Variants in SHCBP1 observed in about 807,000 individuals in gnomAD.
SHCBP1 encodes SHC binding and spindle associated 1, also known as SHC SH2 domain-binding protein 1.
SHCBP1 carries 60 observed loss-of-function variants against 75.1 expected under a neutral mutation model. The ratio of observed to expected loss-of-function variants is 0.80; its 90% CI spans 0.65 to 0.99. SHCBP1 has a LOEUF of 0.99. Ranked by LOEUF, SHCBP1 falls within the 50% of genes least tolerant of loss-of-function variation. The pLI, the probability that SHCBP1 is intolerant of heterozygous loss-of-function variation, is 0.00. For missense variants in SHCBP1, 709 were observed against 809.4 expected, an observed-to-expected ratio of 0.88 and a Z score of 1.50; for synonymous variants, 290 against 293.2, an observed-to-expected ratio of 0.99 and a Z score of 0.11.
chr16:46,604,246 A>G lies in SHCBP1; in HGVS notation c.905T>C (p.Ile302Thr), dbSNP rs1481360533. 1 of 1,614,106 alleles carries G rather than the reference A, an allele frequency of 6.2e-7. No homozygotes were observed. The highest frequency in any genetic ancestry group is 8.5e-7 in the Non-Finnish European group (1 of 1,180,030). Reference protein sequence around the residue: ...MEQLKQKLKLIENPLLRYVFG... With the variant: ...MEQLKQKLKLTENPLLRYVFG... Reference sequence around the variant, plus strand: ...CACATACCTCAACAAAGGATTCTCAATGAGTTTCAGCTTTTGTTTCAACTG... The same window carrying G: ...CACATACCTCAACAAAGGATTCTCAGTGAGTTTCAGCTTTTGTTTCAACTG... The change falls in exon 6 of 13, where the codon ATT becomes ACT. Residue 302 changes from isoleucine (I) to threonine (T), a missense_variant. Physicochemically the swap from Ile to Thr is moderately conservative, Grantham distance 89 (BLOSUM62 -1). Transcript: ENST00000303383.
chr16:46,599,604 T>C (rs1181864531), intron 9 of SHCBP1, among the ~76,000 whole-genome samples: 1 of 133,870 alleles, frequency 7.5e-6, no homozygotes, highest in Non-Finnish European at 1.5e-5. Flanking sequence ...AAGGTGAGCA[T>C]ATGCTCTTGG....
chr16:46,585,747 G>T (rs1456589262), intron 10 of SHCBP1, among the ~76,000 whole-genome samples: 1 of 152,196 alleles, frequency 6.6e-6, no homozygotes, highest in Non-Finnish European at 1.5e-5. Context: ...CCCTACTGGG[G>T]CAGTGTCAGA....
At chr16:46,598,752 G>A (rs1965184199) in intron 9 of SHCBP1, among the ~76,000 whole-genome samples, 1 of 152,118 alleles carries the variant, frequency 6.6e-6, no homozygotes, top group African/African-American at 2.4e-5. Context: ...AGTACTAGAT[G>A]GAATCTTCTT....
rs2017843 is a variant in SHCBP1 at position 46,617,874 on chromosome 16, A to C, written c.272-125T>G. On this transcript the variant is annotated intron_variant, in intron 2 of 12. Coordinates refer to ENST00000303383, the MANE Select transcript of SHCBP1 (RefSeq NM_024745.5). ...AAATAGATAATCTACTTGCAAACTAAAAAGATAAAAGATGCAAAAAACCAG... is the reference window on the plus strand; with the variant it reads ...AAATAGATAATCTACTTGCAAACTACAAAGATAAAAGATGCAAAAAACCAG... The C allele has an allele frequency of 6.3e-3, 4,898 of 779,412 alleles. 169 individuals are homozygous for C. In the African/African-American group the frequency reaches 0.075, roughly 12 times the overall value. 48.3% of individuals were successfully genotyped at this position (779,412 alleles called of 1,614,324 possible).
At chr16:46,612,569 C>G (rs552912553) in intron 4 of SHCBP1, among the ~76,000 whole-genome samples, 1 of 152,216 alleles carries the variant, frequency 6.6e-6, no homozygotes, top group African/African-American at 2.4e-5. Flanking sequence ...AAGTCCTGAA[C>G]GTGGTACTAT....
intron 5 of SHCBP1, 120 bp downstream of exon 5, chr16:46,608,173 CAGAG>C (rs1567451447): frequency 2.6e-5 from 16 of 617,658 alleles, no homozygotes; most frequent in South Asian, 4.1e-5. Flanking sequence ...GAAAGAAAAT[CAGAG>C]AGAGAGAGTG....
chr16:46,615,237 A>G (rs185823321), intron 4 of SHCBP1, among the ~76,000 whole-genome samples: 126 of 152,336 alleles, frequency 8.3e-4, no homozygotes, highest in Non-Finnish European at 1.3e-3. Flanking sequence ...GTCCTAATCA[A>G]CTATTTATGT....
At chr16:46,591,657 A>G (rs1965050079) in intron 10 of SHCBP1, among the ~76,000 whole-genome samples, 1 of 152,164 alleles carries the variant, frequency 6.6e-6, no homozygotes, top group African/African-American at 2.4e-5. Context: ...AACTTGATCT[A>G]GTTGACATTT....
At position 46,621,372 on chromosome 16, in the gene SHCBP1, C is replaced by G. The variant is rs757371695; in HGVS notation, c.-13G>C. The G allele has an allele frequency of 1.9e-6, 3 of 1,609,930 alleles. No individual in the cohort carries two copies. Among genetic ancestry groups the G allele is most frequent in the South Asian group, 2.2e-5 (2 of 90,912 alleles). ...ACCCGTCAGCCATTTCAAATTTCCG[C>G]GGACGGCAGCCCAGGCAACGACGTG... On this transcript the variant is annotated 5_prime_UTR_variant, in exon 1 of 13. Coordinates refer to ENST00000303383, the MANE Select transcript of SHCBP1 (RefSeq NM_024745.5).
intron 9 of SHCBP1, 53 bp downstream of exon 9, chr16:46,599,778 C>T (rs1288854054): frequency 4.0e-6 from 6 of 1,484,172 alleles, no homozygotes; most frequent in East Asian, 2.6e-5. Context: ...TAGAGAGAAC[C>T]GTTTACCTTC....
chr16:46,582,700 G>A (rs146419610), intron 12 of SHCBP1, among the ~76,000 whole-genome samples: 1 of 152,312 alleles, frequency 6.6e-6, no homozygotes, highest in African/African-American at 2.4e-5. Context: ...AATGCGTTTG[G>A]AGACAGAGTC....
chr16:46,582,127 G>GTCT, intron 12 of SHCBP1, 73 bp from the exon 13 acceptor site: 2 of 1,452,122 alleles, frequency 1.4e-6, no homozygotes, highest in South Asian at 2.7e-5. Flanking sequence ...TTTCTACACA[G>GTCT]TCTTCTCAAC....
Position 46,617,717 on chromosome 16 carries a change from T to C in SHCBP1, c.304A>G (p.Thr102Ala). ...DCKASEVQEF[T>A]AEFLEKVLEP... ...AGGACCTTCTCCAAGAACTCAGCTG[T>C]GAATTCCTGTACCTCAGAGGCCTTG... Residue 102 changes from threonine (T) to alanine (A), a missense_variant, in exon 3 of 13, where the codon ACA (threonine) becomes GCA (alanine). By Grantham distance (58) the Thr-to-Ala change is moderately conservative. Transcript: ENST00000303383. 6.2e-7 allele frequency: 1 copy of C among 1,612,912 alleles called. No homozygotes were observed. Among genetic ancestry groups the C allele is most frequent in the South Asian group, 1.1e-5 (1 of 91,032 alleles).
At chr16:46,592,951 CAAAAAAAAAA>C in intron 10 of SHCBP1, among the ~76,000 whole-genome samples, 4 of 22,778 alleles carry the variant, frequency 1.8e-4, no homozygotes, top group Admixed American at 1.0e-3. Flanking sequence ...TAAAAATTCT[CAAAAAAAAAA>C]AAAAAAAAAA....
At chr16:46,600,009 T>A in intron 8 of SHCBP1, 47 bp from the exon 9 acceptor site, 1 of 1,604,334 alleles carries the variant, frequency 6.2e-7, no homozygotes, top group Middle Eastern at 1.7e-4. Flanking sequence ...AGGAAAAACA[T>A]CTAAACGTGA....
chr16:46,602,923 A>G (rs1388051028), intron 8 of SHCBP1, among the ~76,000 whole-genome samples: 1 of 152,224 alleles, frequency 6.6e-6, no homozygotes, highest in Non-Finnish European at 1.5e-5. Context: ...AAGCCACCAC[A>G]CCCAGCCCAA....
intron 10 of SHCBP1, among the ~76,000 whole-genome samples, chr16:46,595,244 G>A (rs1965116226): frequency 6.6e-6 from 1 of 152,172 alleles, no homozygotes; most frequent in Admixed American, 6.5e-5. Context: ...GGGGACACTG[G>A]TGAAGGGCAT....
intron 4 of SHCBP1, among the ~76,000 whole-genome samples, chr16:46,608,882 AGCCAC>A (rs1472949987): frequency 3.3e-5 from 5 of 152,110 alleles, no homozygotes; most frequent in African/African-American, 1.2e-4. Context: ...TACAGGCATG[AGCCAC>A]CGCGCCCAGC....
In SHCBP1 at chr16:46,580,279, C is replaced by T. The variant is rs886921026; in HGVS notation, c.*1450G>A. Among the ~76,000 whole-genome samples, 3 of 151,788 alleles carry T rather than the reference C, an allele frequency of 2.0e-5. No homozygotes were observed. The highest frequency in any genetic ancestry group is 2.9e-5 in the Non-Finnish European group (2 of 67,964). On this transcript the variant is annotated 3_prime_UTR_variant, in exon 13 of 13. Coordinates refer to ENST00000303383, the MANE Select transcript of SHCBP1 (RefSeq NM_024745.5). ...CAGAAATGAACATTACTTTTTAAAC[C>T]TCCTTGCAACAAGATTTTTTAAAAG... is the stretch of plus-strand genomic sequence containing the variant.
Sources: allele counts gnomAD v4.1 joint callset (sites outside exome capture counted in the v4.1 genomes callset), GRCh38; gene constraint gnomAD v4.1.1; transcripts MANE v1.5; gene names NCBI Gene and HGNC (gene_info 2026-07-23, HGNC 2026-07-21).